The following KHDRBS2 variants were observed in gnomAD, a reference collection of about 807,000 sequenced individuals.
The protein encoded by KHDRBS2 is KH domain-containing, RNA-binding, signal transduction-associated protein 2.
A neutral mutation model predicts 44.3 loss-of-function variants in KHDRBS2; 26 were observed. The observed-to-expected ratio is 0.59, with a 90% CI of 0.43 to 0.81. The LOEUF (loss-of-function observed/expected upper bound fraction) is 0.81. KHDRBS2 is among the 40% of genes least tolerant of loss of function. The pLI, the probability that KHDRBS2 is intolerant of heterozygous loss-of-function variation, is 0.00. For synonymous variants in KHDRBS2, 194 were observed against 151.1 expected (o/e 1.28, Z -2.08); for missense variants, 476 against 433.1 (o/e 1.10, Z -0.88).
chr6:61,998,838 T>G (rs1364737422), intron 3 of KHDRBS2, among the ~76,000 whole-genome samples: 1 of 152,060 alleles, frequency 6.6e-6, no homozygotes, highest in African/African-American at 2.4e-5. Context: ...AACATTGACC[T>G]TGAAGTCATA....
At chr6:61,877,845 T>G (rs1799656278) in intron 6 of KHDRBS2, among the ~76,000 whole-genome samples, 1 of 152,006 alleles carries the variant, frequency 6.6e-6, no homozygotes, top group African/African-American at 2.4e-5. Flanking sequence ...TATTTTTCTT[T>G]TCTAAATCTT....
At chr6:62,067,550 T>C (rs541534889) in intron 2 of KHDRBS2, among the ~76,000 whole-genome samples, 26 of 151,678 alleles carry the variant, frequency 1.7e-4, no homozygotes, top group Admixed American at 6.6e-4. Flanking sequence ...TCTCAGACTA[T>C]TGGTTTGAAT....
In KHDRBS2 at chr6:61,955,156, G is replaced by A. The variant is rs1436818654; in HGVS notation, c.483+22910C>T. On this transcript the variant is annotated intron_variant, in intron 4 of 8. Transcript: ENST00000281156. ...TATGTATATACACATACGTGTGTATGTATGTATACATATGTGTATATACAC... is the reference window on the plus strand; with the variant it reads ...TATGTATATACACATACGTGTGTATATATGTATACATATGTGTATATACAC... 4.3e-5 allele frequency among the ~76,000 whole-genome samples: 6 copies of A among 140,788 alleles called. No homozygotes were observed. The South Asian group carries it at 1.1e-3, about 26-fold the overall frequency. 92.4% of individuals were successfully genotyped at this position (140,788 alleles called of 152,430 possible). A position where few individuals can be genotyped will look rare whatever the true frequency, so the allele number is the denominator to read the frequency against.
At chr6:62,091,532 G>C (rs1477229675) in intron 2 of KHDRBS2, among the ~76,000 whole-genome samples, 1 of 152,052 alleles carries the variant, frequency 6.6e-6, no homozygotes, top group Admixed American at 6.6e-5. Flanking sequence ...TTAATAAACT[G>C]TATTTTTCTA....
At chr6:62,211,301 A>G (rs954250101) in intron 1 of KHDRBS2, among the ~76,000 whole-genome samples, 24 of 152,160 alleles carry the variant, frequency 1.6e-4, no homozygotes, top group Non-Finnish European at 3.2e-4. Context: ...TTATGCAGAA[A>G]TAGTTGAAGT....
chr6:61,745,424 G>A (rs571284258), intron 6 of KHDRBS2, among the ~76,000 whole-genome samples: 1 of 152,248 alleles, frequency 6.6e-6, no homozygotes, highest in Admixed American at 6.5e-5. Flanking sequence ...GGAGTTTAGA[G>A]TAATGAAGTG....
chr6:61,542,779 G>GAT, the KHDRBS2 span, among the ~76,000 whole-genome samples: 2 of 151,810 alleles, frequency 1.3e-5, no homozygotes, highest in Non-Finnish European at 2.9e-5. Flanking sequence ...AGAGGAGGCA[G>GAT]ATATATATAT....
Position 61,828,047 on chromosome 6 carries a change from A to C in KHDRBS2, c.810+66588T>G, listed in dbSNP as rs1791191071. On this transcript the variant is annotated intron_variant, in intron 6 of 8. Coordinates refer to ENST00000281156, the MANE Select transcript of KHDRBS2 (RefSeq NM_152688.4). ...TGGACCTCACCTACAGACATCACTG[A>C]TCATTCTGGCACTGACATGCATGTC... is the stretch of plus-strand genomic sequence containing the variant. Among the ~76,000 whole-genome samples the C allele has an allele frequency of 1.3e-5, 2 of 152,164 alleles. 1 individual carries two copies. The highest frequency in any genetic ancestry group is 1.3e-4 in the Admixed American group (2 of 15,266).
chr6:61,821,626 G>A (rs1258431137), intron 6 of KHDRBS2, among the ~76,000 whole-genome samples: 5 of 151,934 alleles, frequency 3.3e-5, no homozygotes, highest in African/African-American at 1.2e-4. Context: ...TTCCCACTAC[G>A]CATCTGCAGG....
intron 2 of KHDRBS2, among the ~76,000 whole-genome samples, chr6:62,060,744 C>T (rs189790622): frequency 1.3e-5 from 2 of 151,734 alleles, no homozygotes; most frequent in South Asian, 2.1e-4. Context: ...CTTGGCATTG[C>T]TCTATTGAAG....
At chr6:61,660,043 T>C in the KHDRBS2 span, among the ~76,000 whole-genome samples, 50 of 151,964 alleles carry the variant, frequency 3.3e-4, no homozygotes, top group African/African-American at 1.1e-3. Flanking sequence ...TATTTATAGA[T>C]AAAACTACCA....
intron 7 of KHDRBS2, among the ~76,000 whole-genome samples, chr6:61,727,457 A>G (rs1383718619): frequency 6.6e-6 from 1 of 152,194 alleles, no homozygotes; most frequent in Non-Finnish European, 1.5e-5. Flanking sequence ...CTTCTTCTGC[A>G]CAGCAAAATA....
At chr6:62,195,263 G>A (rs954105107) in intron 1 of KHDRBS2, among the ~76,000 whole-genome samples, 9 of 152,048 alleles carry the variant, frequency 5.9e-5, no homozygotes, top group Non-Finnish European at 1.0e-4. Flanking sequence ...TTTTGTATGC[G>A]TTTGCATCCT....
chr6:61,542,733 C>T, the KHDRBS2 span, among the ~76,000 whole-genome samples: 2 of 151,618 alleles, frequency 1.3e-5, no homozygotes, highest in Non-Finnish European at 2.9e-5. Context: ...TTATTGTTTC[C>T]AAGGAAAACC....
chr6:61,548,684 A>T, the KHDRBS2 span, among the ~76,000 whole-genome samples: 1 of 152,144 alleles, frequency 6.6e-6, no homozygotes, highest in Non-Finnish European at 1.5e-5. Flanking sequence ...CAAATGGGTG[A>T]CTACTAGATA....
At chr6:62,008,742 C>G (rs1779742067) in intron 3 of KHDRBS2, among the ~76,000 whole-genome samples, 1 of 152,152 alleles carries the variant, frequency 6.6e-6, no homozygotes, top group African/African-American at 2.4e-5. Flanking sequence ...CTCACAAGAT[C>G]TGGTGGTTTT....
At chr6:62,221,745 A>T (rs1161768337) in intron 1 of KHDRBS2, among the ~76,000 whole-genome samples, 1 of 152,082 alleles carries the variant, frequency 6.6e-6, no homozygotes, top group Non-Finnish European at 1.5e-5. Flanking sequence ...GTCAATCAGA[A>T]AAAAAAGGAC....
chr6:61,802,186 G>A (rs1786390062), intron 6 of KHDRBS2, among the ~76,000 whole-genome samples: 1 of 152,140 alleles, frequency 6.6e-6, no homozygotes, highest in Non-Finnish European at 1.5e-5. Flanking sequence ...AGGGGATGCT[G>A]AGCTCCTGCC....
chr6:61,558,371 G>A, the KHDRBS2 span, among the ~76,000 whole-genome samples: 4 of 152,190 alleles, frequency 2.6e-5, no homozygotes, highest in South Asian at 6.2e-4. Flanking sequence ...ATACCAGCCT[G>A]AGCAACATGG....
Sources: gnomAD v4.1 joint callset for allele counts (sites outside exome capture counted in the v4.1 genomes callset) on GRCh38, gnomAD v4.1.1 for gene constraint, MANE v1.5 for transcripts, NCBI Gene and HGNC (gene_info 2026-07-23, HGNC 2026-07-21) for gene names.